Variants in ALMS1 observed in about 807,000 individuals in gnomAD.
The protein encoded by ALMS1 is centrosome-associated protein ALMS1.
A neutral mutation model predicts 352.2 loss-of-function variants in ALMS1; 271 were observed. The observed-to-expected ratio is 0.77, with a 90% CI of 0.70 to 0.85. ALMS1 has a LOEUF of 0.85. ALMS1 is among the 40% of genes least tolerant of loss of function. The probability of loss-of-function intolerance (pLI) is 0.00; values close to 1 mark genes in which losing one functional copy is unlikely to be tolerated. For missense variants in ALMS1, 5,445 were observed against 4,870.7 expected, an observed-to-expected ratio of 1.12 and a Z score of -3.51; for synonymous variants, 1,865 against 1,761.2, an observed-to-expected ratio of 1.06 and a Z score of -1.48.
At chr2:73,461,273 G>A (rs924945162) in intron 9 of ALMS1, among the ~76,000 whole-genome samples, 3 of 152,186 alleles carry the variant, frequency 2.0e-5, no homozygotes, top group Non-Finnish European at 2.9e-5. Flanking sequence ...CAGCATTTGC[G>A]GTTCACCAAT....
At chr2:73,517,266 T>TTTTTTTTTTTTTTTTTTTTG in intron 10 of ALMS1, among the ~76,000 whole-genome samples, 1 of 149,746 alleles carries the variant, frequency 6.7e-6, no homozygotes. Context: ...TTTTTTTTCT[T>TTTTTTTTTTTTTTTTTTTTG]ATAGAGACAA....
chr2:73,389,544 C>T (rs563316308), intron 1 of ALMS1, among the ~76,000 whole-genome samples: 5 of 152,116 alleles, frequency 3.3e-5, no homozygotes, highest in South Asian at 2.1e-4. Flanking sequence ...ATTATAATTT[C>T]GGGCCTTACA....
intron 1 of ALMS1, among the ~76,000 whole-genome samples, chr2:73,395,154 C>T (rs868234401): frequency 6.8e-6 from 1 of 147,104 alleles, no homozygotes; most frequent in African/African-American, 2.5e-5. Context: ...CAATCTCCGC[C>T]CACTGCAACC....
chr2:73,462,539 C>T, intron 9 of ALMS1, among the ~76,000 whole-genome samples: 1 of 152,216 alleles, frequency 6.6e-6, no homozygotes, highest in East Asian at 1.9e-4. Flanking sequence ...CAGGAAGAAA[C>T]TGCATCAACT....
At chr2:73,489,267 C>T (rs981089428) in intron 9 of ALMS1, among the ~76,000 whole-genome samples, 1 of 152,166 alleles carries the variant, frequency 6.6e-6, no homozygotes, top group Non-Finnish European at 1.5e-5. Flanking sequence ...CAACTAGCTG[C>T]AGAAGAAACA....
intron 7 of ALMS1, among the ~76,000 whole-genome samples, chr2:73,439,289 T>G (rs1486449425): frequency 6.6e-6 from 1 of 151,980 alleles, no homozygotes; most frequent in Non-Finnish European, 1.5e-5. Flanking sequence ...CTAATCTTTT[T>G]TTTTTTGTAG....
chr2:73,432,019 A>G (rs1469569347), intron 6 of ALMS1, among the ~76,000 whole-genome samples, 179 bp from the exon 7 acceptor site: 1 of 152,210 alleles, frequency 6.6e-6, no homozygotes, highest in African/African-American at 2.4e-5. Flanking sequence ...TGAGATTATG[A>G]TCTTAAGTAA....
rs114257034 is a variant in ALMS1, at chr2:73,608,181, A to C, written c.12363-294A>C. On this transcript the variant is annotated intron_variant, in intron 21 of 22. Transcript: ENST00000613296. ...CATTTTTGCATGTAGAGCAGAAAGT[A>C]GAAGTTCAGCTCTCCTTCATTTATC... 9.8e-3 allele frequency among the ~76,000 whole-genome samples: 1,486 copies of C among 152,298 alleles called. 36 individuals are homozygous for C. The highest frequency in any genetic ancestry group is 0.034 in the African/African-American group (1,406 of 41,556).
intron 12 of ALMS1, among the ~76,000 whole-genome samples, chr2:73,547,034 ACACATTTAGTAGAAAC>A (rs1674337311): frequency 6.6e-6 from 1 of 152,220 alleles, no homozygotes; most frequent in Non-Finnish European, 1.5e-5. Context: ...TGGAAATGAT[ACACATTTAGTAGAAAC>A]CGTACTTCAG....
chr2:73,438,689 G>T (rs76845271), intron 7 of ALMS1, among the ~76,000 whole-genome samples: 5,662 of 152,216 alleles, frequency 0.037, 149 homozygotes, highest in Admixed American at 0.076. Flanking sequence ...AAAATGTCAA[G>T]GATGGTACCT....
intron 7 of ALMS1, among the ~76,000 whole-genome samples, chr2:73,446,035 C>T (rs992854659): frequency 6.6e-6 from 1 of 152,164 alleles, no homozygotes; most frequent in Non-Finnish European, 1.5e-5. Context: ...GATCACCATT[C>T]TTCTGACAGT....
intron 9 of ALMS1, among the ~76,000 whole-genome samples, chr2:73,468,489 G>T (rs1328395872): frequency 6.6e-6 from 1 of 151,918 alleles, no homozygotes; most frequent in African/African-American, 2.4e-5. Context: ...CCGTCTCCAA[G>T]ACTCTTTTCA....
At chr2:73,432,350 C>T in intron 7 of ALMS1, 59 bp downstream of exon 7, 1 of 1,194,466 alleles carries the variant, frequency 8.4e-7, no homozygotes, top group Non-Finnish European at 1.2e-6. Flanking sequence ...GAAAAAATAT[C>T]TTGTTAGGTC....
intron 16 of ALMS1, among the ~76,000 whole-genome samples, chr2:73,591,315 A>G (rs1193497767): frequency 6.6e-6 from 1 of 152,176 alleles, no homozygotes; most frequent in East Asian, 1.9e-4. Flanking sequence ...TTTAATCTAC[A>G]TGGAATTTAT....
rs1671849245 is a variant in ALMS1, at chr2:73,448,346, C to A, written c.1819C>A (p.Leu607Ile). The A allele has an allele frequency of 1.9e-6, 3 of 1,613,932 alleles. No individual in the cohort carries two copies. The South Asian group carries it at 3.3e-5, about 18-fold the overall frequency. The stretch of plus-strand genomic sequence containing the variant: ...TTTGAAAGTTTCAGCTGCTCCTGGA[C>A]TAGCTGACCAGACAACTGGCATGTC... ...EALKVSAAPG[L>I]ADQTTGMSTL... Residue 607 changes from leucine to isoleucine, a missense_variant, in exon 8 of 23, where the codon CTA becomes ATA. By Grantham distance (5) the Leu-to-Ile change is conservative. Coordinates refer to ENST00000613296, the MANE Select transcript of ALMS1 (RefSeq NM_001378454.1).
intron 10 of ALMS1, among the ~76,000 whole-genome samples, chr2:73,504,237 A>T (rs1673274481): frequency 6.6e-6 from 1 of 152,190 alleles, no homozygotes; most frequent in African/African-American, 2.4e-5. Context: ...TACAGACGCT[A>T]ATCAGATTTC....
chr2:73,455,062 TG>T (rs1477341543), intron 8 of ALMS1, 99 bp from the exon 9 acceptor site: 1 of 1,291,160 alleles, frequency 7.7e-7, no homozygotes, highest in Non-Finnish European at 1.1e-6. Flanking sequence ...AGCATTGCAG[TG>T]GGTATTAAAT....
intron 7 of ALMS1, among the ~76,000 whole-genome samples, chr2:73,433,132 G>A (rs1043977692): frequency 2.6e-5 from 4 of 152,166 alleles, no homozygotes; most frequent in African/African-American, 9.7e-5. Flanking sequence ...GCTGACCAAG[G>A]GAAAGTAAAA....
intron 15 of ALMS1, among the ~76,000 whole-genome samples, chr2:73,568,313 C>T (rs550103859): frequency 6.6e-6 from 1 of 152,248 alleles, no homozygotes; most frequent in South Asian, 2.1e-4. Context: ...TGGATGATAT[C>T]TAACTAATGT....
Sources: allele counts gnomAD v4.1 joint callset (sites outside exome capture counted in the v4.1 genomes callset), GRCh38; gene constraint gnomAD v4.1.1; transcripts MANE v1.5; gene names NCBI Gene and HGNC (gene_info 2026-07-23, HGNC 2026-07-21).